Variants in GPR132 observed in about 807,000 individuals in gnomAD.
GPR132 encodes the protein probable G protein-coupled receptor 132.
In GPR132, 4 loss-of-function variants were observed where a neutral mutation model predicts 1.9. The observed-to-expected ratio is 2.13, with a 90% CI of 1.05 to 4.87. GPR132 has a LOEUF of 4.87. GPR132 is among the 30% of genes most tolerant of loss of function. GPR132 has a pLI of 0.01. For synonymous variants in GPR132, 233 were observed against 234.2 expected, an observed-to-expected ratio of 0.99 and a Z score of 0.05; for missense variants, 404 against 512.5, an observed-to-expected ratio of 0.79 and a Z score of 2.04.
At position 105,056,663 on chromosome 14, in the gene GPR132, G is replaced by T. The variant is rs1193980643; in HGVS notation, c.-746-497C>A. Among the ~76,000 whole-genome samples, 1 of 152,184 alleles carries T rather than the reference G, an allele frequency of 6.6e-6. No individual in the cohort carries two copies. The highest frequency in any genetic ancestry group is 1.5e-5 in the Non-Finnish European group (1 of 68,030). Reference sequence around the variant, plus strand: ...CCTGCTCCAGGCCTCACGCAGCCTTGGGACCTTCACCTCTGGACACCAGGT... The same window carrying T: ...CCTGCTCCAGGCCTCACGCAGCCTTTGGACCTTCACCTCTGGACACCAGGT... On this transcript the variant is annotated intron_variant, in intron 2 of 3. Transcript: ENST00000329797. The surrounding 1 kb of genome is among the most constrained non-coding windows in gnomAD (Gnocchi z 6.0).
At chr14:105,063,902 C>T (rs1212978306) in intron 1 of GPR132, among the ~76,000 whole-genome samples, 3 of 152,100 alleles carry the variant, frequency 2.0e-5, no homozygotes, top group Admixed American at 6.5e-5. Flanking sequence ...TGCAATGGCA[C>T]GATCTCGGCT....
rs1393871987 is a variant in GPR132, at chr14:105,055,461, A to G, written c.-41T>C. 1 of 779,732 alleles carries G rather than the reference A, an allele frequency of 1.3e-6. No homozygotes were observed. Among genetic ancestry groups the G allele is most frequent in the Admixed American group, 1.7e-5 (1 of 59,010 alleles). The allele number at this position is 779,732 out of a possible 1,614,324, so 48.3% of individuals were successfully genotyped here. ...ACCATCGCCAGCATCCGTCGGCAGA[A>G]CCTTCTCATCTTCCCAAACGGAGAC... is the stretch of plus-strand genomic sequence containing the variant. On this transcript the variant is annotated 5_prime_UTR_variant, in exon 3 of 4. Transcript: ENST00000329797. This position sits in a 1 kb window ranked among gnomAD's most constrained non-coding sequence, Gnocchi z 4.7.
chr14:105,064,397 G>A (rs988575413), intron 1 of GPR132, among the ~76,000 whole-genome samples: 21 of 151,932 alleles, frequency 1.4e-4, no homozygotes, highest in African/African-American at 4.8e-4. Context: ...GCAATGGCGC[G>A]ATCTCGGCTC....
chr14:105,051,104 C>T lies in GPR132; in HGVS notation c.1033G>A (p.Glu345Lys), dbSNP rs1309474988. ...AGGGCCACGGGCGACTGCAGCTCCT[C>T]GGTGTCCCTGCTGTGGGTGAGCCTG... The part of the protein sequence containing the change: ...VTRLTHSRDT[E>K]ELQSPVALAD... Residue 345 changes from glutamate (E) to lysine (K), a missense_variant, in exon 4 of 4, where the codon GAG (glutamate) becomes AAG (lysine). Coordinates refer to ENST00000329797, the MANE Select transcript of GPR132 (RefSeq NM_013345.4). The surrounding 1 kb of genome is among the most constrained non-coding windows in gnomAD (Gnocchi z 8.0). 17 of 1,614,080 alleles carry T rather than the reference C, an allele frequency of 1.1e-5. No homozygotes were observed. The highest frequency in any genetic ancestry group is 1.6e-4 in the Middle Eastern group (1 of 6,084).
At position 105,059,469 on chromosome 14, in the gene GPR132, A is replaced by C. The variant is rs1205839250; in HGVS notation, c.-860-2189T>G. Among the ~76,000 whole-genome samples the C allele has an allele frequency of 6.6e-6, 1 of 152,154 alleles. No individual in the cohort carries two copies. On this transcript the variant is annotated intron_variant, in intron 1 of 3. Transcript: ENST00000329797. This position sits in a 1 kb window ranked among gnomAD's most constrained non-coding sequence, Gnocchi z 4.2. ...TCAGCGCCGATCTGCCTGGCGTTCTATTCAGTCATCCCTCTGCTCACTGAG... is the reference window on the plus strand; with the variant it reads ...TCAGCGCCGATCTGCCTGGCGTTCTCTTCAGTCATCCCTCTGCTCACTGAG...
intron 1 of GPR132, among the ~76,000 whole-genome samples, chr14:105,064,478 C>T (rs1229588778): frequency 2.0e-5 from 3 of 152,246 alleles, no homozygotes; most frequent in South Asian, 2.1e-4. Flanking sequence ...GGATTACAGA[C>T]GTGTGCCAAC....
At chr14:105,063,820 T>C (rs1347302853) in intron 1 of GPR132, among the ~76,000 whole-genome samples, 1 of 150,936 alleles carries the variant, frequency 6.6e-6, no homozygotes, top group Non-Finnish European at 1.5e-5. Context: ...GTCTGTCTTG[T>C]GGACTATCTG....
Position 105,058,338 on chromosome 14 carries a change from C to A in GPR132, c.-860-1058G>T, listed in dbSNP as rs183973891. Among the ~76,000 whole-genome samples the A allele has an allele frequency of 2.2e-4, 33 of 152,108 alleles. No homozygotes were observed. The East Asian group carries it at 5.6e-3, about 26-fold the overall frequency. On this transcript the variant is annotated intron_variant, in intron 1 of 3. Transcript: ENST00000329797. ...ACTGAGCTGCTGCACTCCGGCCTGG[C>A]TACAGAGAGAGACCCCGTCTCAAGA...
rs532237925 is a variant in GPR132, at chr14:105,055,947, G to A, written c.-527C>T. Reference sequence around the variant, plus strand: ...CAAGAACATGAGGAGGGCTGTTCACGTCCCTGCTTTCCGTTCTCCTGGGTC... The same window carrying A: ...CAAGAACATGAGGAGGGCTGTTCACATCCCTGCTTTCCGTTCTCCTGGGTC... On this transcript the variant is annotated 5_prime_UTR_variant, in exon 3 of 4. In the 5' UTR this introduces an upstream ATG that the reference lacks. Transcript: ENST00000329797. This position sits in a 1 kb window ranked among gnomAD's most constrained non-coding sequence, Gnocchi z 4.7. 123 of 158,622 alleles carry A rather than the reference G, an allele frequency of 7.8e-4. No homozygotes were observed. Among genetic ancestry groups the A allele is most frequent in the Non-Finnish European group, 1.3e-3 (93 of 73,508 alleles). The allele number at this position is 158,622 out of a possible 1,614,324, so 9.8% of individuals were successfully genotyped here. A position where few individuals can be genotyped will look rare whatever the true frequency, so the allele number is the denominator to read the frequency against.
In GPR132 at chr14:105,060,141, C is replaced by T. The variant is rs577332795; in HGVS notation, c.-860-2861G>A. On this transcript the variant is annotated intron_variant, in intron 1 of 3. Coordinates refer to ENST00000329797, the MANE Select transcript of GPR132 (RefSeq NM_013345.4). This position sits in a 1 kb window ranked among gnomAD's most constrained non-coding sequence, Gnocchi z 6.3. Reference sequence around the variant, plus strand: ...CAGCGCTGAGGGTCTTCAGACTCTCCCTCGGGTGCCTGTGTGCTGGGCGCT... The same window carrying T: ...CAGCGCTGAGGGTCTTCAGACTCTCTCTCGGGTGCCTGTGTGCTGGGCGCT... Among the ~76,000 whole-genome samples the T allele has an allele frequency of 6.6e-6, 1 of 152,316 alleles. No homozygotes were observed. The highest frequency in any genetic ancestry group is 2.4e-5 in the African/African-American group (1 of 41,574).
chr14:105,054,244 C>T lies in GPR132; in HGVS notation c.34+1143G>A, dbSNP rs369024290. The T allele has an allele frequency of 1.2e-4, 146 of 1,171,008 alleles. 2 individuals carry two copies. In the East Asian group the frequency reaches 3.6e-3, roughly 29 times the overall value. The allele number at this position is 1,171,008 out of a possible 1,614,324, so 72.5% of individuals were successfully genotyped here. A position where few individuals can be genotyped will look rare whatever the true frequency, so the allele number is the denominator to read the frequency against. On this transcript the variant is annotated intron_variant, in intron 3 of 3. Transcript: ENST00000329797. ...GGGGCAAACTTCAGCTGTGCCCTGG[C>T]GCGAGGTCAGGGGTCCCTGGGCACT...
rs549673322 is a variant in GPR132, at chr14:105,064,675, C to T, written c.-861+704G>A. 9.2e-5 allele frequency among the ~76,000 whole-genome samples: 14 copies of T among 152,328 alleles called. No individual in the cohort carries two copies. The South Asian group carries it at 2.5e-3, about 27-fold the overall frequency. ...TCCAGGAGCCTCTGCTCTCCCACCT[C>T]GGCCTGGCCAATCTCCTGAAATATC... is the stretch of plus-strand genomic sequence containing the variant. On this transcript the variant is annotated intron_variant, in intron 1 of 3. Transcript: ENST00000329797.
Position 105,056,866 on chromosome 14 carries a change from C to A in GPR132, c.-747+301G>T, listed in dbSNP as rs1886810093. 6.6e-6 allele frequency among the ~76,000 whole-genome samples: 1 copy of A among 152,206 alleles called. No homozygotes were observed. The highest frequency in any genetic ancestry group is 1.5e-5 in the Non-Finnish European group (1 of 68,036). ...GTGGTCAGCTCCTCATGGCCCAGAC[C>A]GTGCAGGGCTCCCCTGGGACCTGTG... is the stretch of plus-strand genomic sequence containing the variant. On this transcript the variant is annotated intron_variant, in intron 2 of 3. Transcript: ENST00000329797. This position sits in a 1 kb window ranked among gnomAD's most constrained non-coding sequence, Gnocchi z 6.0.
chr14:105,055,381 A>G lies in GPR132; in HGVS notation c.34+6T>C. ...TGTGGCAAAATACACATAACAAGGA[A>G]TTTACCATTGTAACCGTTTTTCAGT... On this transcript the variant is annotated splice_donor_region_variant and intron_variant, in intron 3 of 3. Transcript: ENST00000329797. This position sits in a 1 kb window ranked among gnomAD's most constrained non-coding sequence, Gnocchi z 4.7. The G allele has an allele frequency of 2.6e-6, 2 of 781,042 alleles. No homozygotes were observed. Among genetic ancestry groups the G allele is most frequent in the South Asian group, 2.7e-5 (2 of 74,630 alleles). 48.4% of individuals were successfully genotyped at this position (781,042 alleles called of 1,614,324 possible). A position where few individuals can be genotyped will look rare whatever the true frequency, so the allele number is the denominator to read the frequency against.
chr14:105,051,462 G>A lies in GPR132; in HGVS notation c.675C>T (p.Ser225=). ...CGCTTAAGCCCATGCTCTGCTTGAT[G>A]CTCCTGAAAATCCGGTGGTTGGTGA... ...IAFTNHRIFR[S]IKQSMGLSAA... The change falls in exon 4 of 4, where the codon AGC becomes AGT. Residue 225 remains serine (S), a synonymous_variant. Transcript: ENST00000329797. The surrounding 1 kb of genome is among the most constrained non-coding windows in gnomAD (Gnocchi z 8.0). The A allele has an allele frequency of 6.2e-7, 1 of 1,614,060 alleles. No individual in the cohort carries two copies. The highest frequency in any genetic ancestry group is 8.5e-7 in the Non-Finnish European group (1 of 1,180,036).
At chr14:105,065,236 C>G (rs1484025505) in intron 1 of GPR132, 143 bp downstream of exon 1, 2 of 152,256 alleles carry the variant, frequency 1.3e-5, no homozygotes, top group Non-Finnish European at 2.9e-5. Context: ...ATTAAGAACC[C>G]TCAACAAAGC....
intron 3 of GPR132, chr14:105,054,449 A>AC (rs1886734493): frequency 3.6e-6 from 3 of 838,694 alleles, no homozygotes; most frequent in Non-Finnish European, 2.8e-6. Context: ...TTTGAGACGT[A>AC]GTCTCAAAAA....
chr14:105,060,516 G>A lies in GPR132; in HGVS notation c.-860-3236C>T, dbSNP rs749021011. Among the ~76,000 whole-genome samples the A allele has an allele frequency of 2.6e-5, 4 of 152,140 alleles. No homozygotes were observed. The highest frequency in any genetic ancestry group is 6.5e-5 in the Admixed American group (1 of 15,274). On this transcript the variant is annotated intron_variant, in intron 1 of 3. Coordinates refer to ENST00000329797, the MANE Select transcript of GPR132 (RefSeq NM_013345.4). This position sits in a 1 kb window ranked among gnomAD's most constrained non-coding sequence, Gnocchi z 6.3. ...CCTAGAAGCCCACATACTCTTGCTC[G>A]CTGGTGTCTACTCCGATTCTGCAGC...
rs1429513176 is a variant in GPR132, at chr14:105,059,973, A to T, written c.-860-2693T>A. Among the ~76,000 whole-genome samples, 1 of 152,256 alleles carries T rather than the reference A, an allele frequency of 6.6e-6. No individual in the cohort carries two copies. The highest frequency in any genetic ancestry group is 1.9e-4 in the East Asian group (1 of 5,188). ...GAAAGAAACAAGAAAAGCCATCTCCAAAGTGATGCCCCCTTGGCGGTGGGT... is the reference window on the plus strand; with the variant it reads ...GAAAGAAACAAGAAAAGCCATCTCCTAAGTGATGCCCCCTTGGCGGTGGGT... On this transcript the variant is annotated intron_variant, in intron 1 of 3. Coordinates refer to ENST00000329797, the MANE Select transcript of GPR132 (RefSeq NM_013345.4). The surrounding 1 kb of genome is among the most constrained non-coding windows in gnomAD (Gnocchi z 4.2).
Sources: gnomAD v4.1 joint callset for allele counts (sites outside exome capture counted in the v4.1 genomes callset) on GRCh38, gnomAD v4.1.1 for gene constraint, Gnocchi (gnomAD v3.1) non-coding constraint, MANE v1.5 for transcripts, NCBI Gene and HGNC (gene_info 2026-07-23, HGNC 2026-07-21) for gene names.